The following NOD2 variants were observed in gnomAD, a reference collection of about 807,000 sequenced individuals.
NOD2 encodes the protein nucleotide-binding oligomerization domain-containing protein 2.
A neutral mutation model predicts 90.9 loss-of-function variants in NOD2; 86 were observed. The ratio of observed to expected loss-of-function variants is 0.95; its 90% CI spans 0.79 to 1.13. The LOEUF is 1.13. Among genes scored for constraint, NOD2 ranks in the 50% most tolerant of loss-of-function variants. The pLI is 0.00. For missense variants in NOD2, 1,238 were observed against 1,283.8 expected, an observed-to-expected ratio of 0.96 and a Z score of 0.55; for synonymous variants, 581 against 554.6, an observed-to-expected ratio of 1.05 and a Z score of -0.67.
chr16:50,720,301 A>G (rs1471044637), intron 7 of NOD2, among the ~76,000 whole-genome samples: 1 of 152,168 alleles, frequency 6.6e-6, no homozygotes, highest in Non-Finnish European at 1.5e-5. Flanking sequence ...GCTGCATATT[A>G]AAACCACCTG....
intron 7 of NOD2, among the ~76,000 whole-genome samples, chr16:50,721,913 G>A (rs1396968507): frequency 6.6e-6 from 1 of 152,188 alleles, no homozygotes; most frequent in African/African-American, 2.4e-5. Flanking sequence ...CTGGGGCACA[G>A]AGCAGTGCTG....
intron 10 of NOD2, 110 bp downstream of exon 10, chr16:50,725,682 C>T: frequency 1.2e-6 from 1 of 834,880 alleles, no homozygotes; most frequent in African/African-American, 1.7e-5. Context: ...GTGAGGTGGC[C>T]TGGTAGAACA....
chr16:50,729,961 A>G, intron 11 of NOD2, 60 bp downstream of exon 11: 1 of 1,291,532 alleles, frequency 7.7e-7, no homozygotes, highest in Non-Finnish European at 1.1e-6. Flanking sequence ...TATCTGTAAA[A>G]TGGGGTGACG....
intron 4 of NOD2, among the ~76,000 whole-genome samples, chr16:50,714,604 G>C (rs1483291459): frequency 1.4e-5 from 1 of 72,160 alleles, no homozygotes; most frequent in Non-Finnish European, 3.8e-5. Flanking sequence ...TGAGTGCACT[G>C]TGTGTGTGTG....
chr16:50,701,526 C>T (rs529623059), intron 2 of NOD2, among the ~76,000 whole-genome samples: 6 of 152,288 alleles, frequency 3.9e-5, no homozygotes, highest in East Asian at 1.9e-4. Flanking sequence ...ATTAGTTGCA[C>T]GTACAGAAGA....
intron 6 of NOD2, among the ~76,000 whole-genome samples, chr16:50,719,095 A>C (rs1964927238): frequency 6.6e-6 from 1 of 152,178 alleles, no homozygotes; most frequent in Non-Finnish European, 1.5e-5. Context: ...TGTCTCAGGC[A>C]GGGGCTGGCA....
chr16:50,727,752 T>G (rs542876379), intron 10 of NOD2: 56 of 346,584 alleles, frequency 1.6e-4, no homozygotes, highest in Admixed American at 1.2e-3. Flanking sequence ...CCCTTTCTGT[T>G]GACGAATGCC....
chr16:50,712,389 C>G lies in NOD2; in HGVS notation c.2381+16C>G. The G allele has an allele frequency of 6.2e-7, 1 of 1,612,726 alleles. No individual in the cohort carries two copies. On this transcript the variant is annotated intron_variant, in intron 4 of 11. Transcript: ENST00000647318. ...AGGCTCTGTAGTGAGTGTTACTGGG[C>G]ATTGCTGTTCAGGTATGGGGGAGCA...
At chr16:50,695,602 T>C (rs372506620) in intron 1 of NOD2, among the ~76,000 whole-genome samples, 3 of 151,946 alleles carry the variant, frequency 2.0e-5, no homozygotes, top group East Asian at 1.9e-4. Flanking sequence ...CATCTAGGGA[T>C]GGAGTGATAT....
At position 50,731,718 on chromosome 16, in the gene NOD2, C is replaced by G. The variant is rs779067128; in HGVS notation, c.2970-29C>G. 1.9e-6 allele frequency: 3 copies of G among 1,557,178 alleles called. No individual in the cohort carries two copies. In the Admixed American group the frequency reaches 5.0e-5, roughly 26 times the overall value. On this transcript the variant is annotated intron_variant, in intron 11 of 11. Transcript: ENST00000647318. Reference sequence around the variant, plus strand: ...GCCCTGCTCTAATTTTGTCCTCACTCAAACCTCTGTTCACTTGATCTGCTT... The same window carrying G: ...GCCCTGCTCTAATTTTGTCCTCACTGAAACCTCTGTTCACTTGATCTGCTT...
rs1964804574 is a variant in NOD2, at chr16:50,716,596, T to C, written c.2391T>C (p.Asp797=). The change falls in exon 5 of 12, where the codon GAT becomes GAC. Residue 797 remains aspartate (D), a synonymous_variant. Coordinates refer to ENST00000647318, the MANE Select transcript of NOD2 (RefSeq NM_001370466.1). The part of the protein sequence containing the change: ...LGVCKALYLR[D]NNISDRGICK... ...TATTTTGTCTCTTTAGTTTGCGCGA[T>C]AACAATATCTCAGACCGAGGCATCT... 6.2e-7 allele frequency: 1 copy of C among 1,614,090 alleles called. No individual in the cohort carries two copies. Among genetic ancestry groups the C allele is most frequent in the South Asian group, 1.1e-5 (1 of 91,068 alleles).
At chr16:50,699,996 G>T in intron 2 of NOD2, 42 bp downstream of exon 2, 1 of 1,559,010 alleles carries the variant, frequency 6.4e-7, no homozygotes, top group South Asian at 1.1e-5. Flanking sequence ...CTCAGGAAAG[G>T]GGTGCTTAGT....
At chr16:50,725,012 C>T (rs753688700) in intron 9 of NOD2, among the ~76,000 whole-genome samples, 19 of 152,146 alleles carry the variant, frequency 1.2e-4, no homozygotes, top group Non-Finnish European at 2.2e-4. Flanking sequence ...TCTGTATTCC[C>T]GGATTCGATC....
chr16:50,718,355 C>T (rs149615228), intron 6 of NOD2, among the ~76,000 whole-genome samples: 7 of 152,166 alleles, frequency 4.6e-5, no homozygotes, highest in Admixed American at 2.6e-4. Flanking sequence ...CAAATGGGAG[C>T]GTATAGAGCG....
rs752390709 is a variant in NOD2, at chr16:50,712,186, G to A, written c.2194G>A (p.Ala732Thr). Residue 732 changes from alanine (A) to threonine (T), a missense_variant, in exon 4 of 12, where the codon GCA (alanine) becomes ACA (threonine). Coordinates refer to ENST00000647318, the MANE Select transcript of NOD2 (RefSeq NM_001370466.1). ...MQEERLARKA[A>T]RGLNVGHLKL... is the part of the protein sequence containing the mutation. Reference sequence around the variant, plus strand: ...GGAGGAGCGGCTGGCTCGGAAGGCTGCACGTGGCCTGAATGTTGGGCACCT... The same window carrying A: ...GGAGGAGCGGCTGGCTCGGAAGGCTACACGTGGCCTGAATGTTGGGCACCT... The A allele has an allele frequency of 3.1e-6, 5 of 1,613,962 alleles. No individual in the cohort carries two copies. In the South Asian group the frequency reaches 5.5e-5, roughly 18 times the overall value.
intron 4 of NOD2, among the ~76,000 whole-genome samples, chr16:50,714,243 C>G (rs1288933598): frequency 6.6e-6 from 1 of 152,072 alleles, no homozygotes; most frequent in African/African-American, 2.4e-5. Context: ...TCTGGGAAAC[C>G]TGTGGGTCTG....
intron 2 of NOD2, among the ~76,000 whole-genome samples, chr16:50,704,953 C>T (rs963876373): frequency 1.3e-5 from 2 of 152,216 alleles, no homozygotes; most frequent in Non-Finnish European, 1.5e-5. Context: ...AATCTGGAAA[C>T]TTCTCTATGT....
At chr16:50,710,537 G>T (rs762314189) in intron 3 of NOD2, 21 bp from the exon 4 acceptor site, 2 of 1,613,918 alleles carry the variant, frequency 1.2e-6, no homozygotes, top group African/African-American at 2.7e-5. Context: ...ACCTTCATCT[G>T]CCTCTTCTTC....
At chr16:50,696,462 A>G (rs1306274308) in intron 1 of NOD2, 1 of 152,378 alleles carries the variant, frequency 6.6e-6, no homozygotes, top group Non-Finnish European at 1.5e-5. Flanking sequence ...TTTCGCCTGA[A>G]GAGGGGAAGC....
Sources: allele counts gnomAD v4.1 joint callset (sites outside exome capture counted in the v4.1 genomes callset), GRCh38; gene constraint gnomAD v4.1.1; transcripts MANE v1.5; gene names NCBI Gene and HGNC (gene_info 2026-07-23, HGNC 2026-07-21).